ADGRL3: variants seen among roughly 807,000 people sequenced by gnomAD.
ADGRL3 encodes the protein calcium-independent alpha-latrotoxin receptor 3.
Under a neutral mutation model 153.5 loss-of-function variants are expected in ADGRL3, and 62 were observed. That is an observed-to-expected ratio of 0.40 (90% confidence interval 0.33 to 0.50). The LOEUF (loss-of-function observed/expected upper bound fraction) is 0.50. ADGRL3 is among the 20% of genes least tolerant of loss of function. The pLI is 0.47. For missense variants in ADGRL3, 1,641 were observed against 1,859.4 expected (o/e 0.88, Z 2.16); for synonymous variants, 710 against 672.5 (o/e 1.06, Z -0.86).
At chr4:61,259,043 A>G (rs1003265214) in intron 1 of ADGRL3, among the ~76,000 whole-genome samples, 1 of 152,172 alleles carries the variant, frequency 6.6e-6, no homozygotes, top group Admixed American at 6.5e-5. Flanking sequence ...TTCCTCATCA[A>G]TTGAACTTAC....
intron 9 of ADGRL3, among the ~76,000 whole-genome samples, chr4:61,822,083 GACATTACAGGGGGAGGGAACATAA>G (rs2097761118): frequency 6.6e-6 from 1 of 152,142 alleles, no homozygotes; most frequent in Non-Finnish European, 1.5e-5. Context: ...CTGATTAGCA[GACATTACAGGGGGAGGGAACATAA>G]ATTCCCTAGT....
At chr4:61,572,089 T>C (rs1178686915) in intron 4 of ADGRL3, among the ~76,000 whole-genome samples, 2 of 152,184 alleles carry the variant, frequency 1.3e-5, no homozygotes, top group African/African-American at 4.8e-5. Flanking sequence ...TTTAATAATA[T>C]TTGTTAAGAG....
In ADGRL3 at chr4:61,547,234, A is replaced by C. The variant is rs1009917828; in HGVS notation, c.259+29716A>C. Among the ~76,000 whole-genome samples, 10 of 151,728 alleles carry C rather than the reference A, an allele frequency of 6.6e-5. No individual in the cohort carries two copies. The East Asian group carries it at 1.9e-3, about 29-fold the overall frequency. On this transcript the variant is annotated intron_variant, in intron 4 of 26. Coordinates refer to ENST00000683033, the MANE Select transcript of ADGRL3 (RefSeq NM_001387552.1). ...GCACACCATTGCTCTCTGTGTATCT[A>C]TCAGCCACAATAATTTTCTGGGTTT...
intron 9 of ADGRL3, among the ~76,000 whole-genome samples, chr4:61,818,712 T>A (rs2097716350): frequency 6.6e-6 from 1 of 152,044 alleles, no homozygotes; most frequent in African/African-American, 2.4e-5. Context: ...CTCTCTACCT[T>A]AAAATGGTTG....
intron 4 of ADGRL3, among the ~76,000 whole-genome samples, chr4:61,581,637 A>G (rs1045450991): frequency 2.0e-5 from 3 of 151,922 alleles, no homozygotes; most frequent in Non-Finnish European, 4.4e-5. Flanking sequence ...ATCGTTATCT[A>G]CTTCTGTGAT....
chr4:61,241,624 C>G (rs992012675), intron 1 of ADGRL3, among the ~76,000 whole-genome samples: 2 of 151,974 alleles, frequency 1.3e-5, no homozygotes, highest in Non-Finnish European at 2.9e-5. Context: ...AGTGACCTGT[C>G]TTCTACGTAT....
chr4:61,984,966 A>G (rs1029588925), intron 19 of ADGRL3, among the ~76,000 whole-genome samples: 6 of 152,194 alleles, frequency 3.9e-5, no homozygotes, highest in Admixed American at 1.3e-4. Flanking sequence ...CTAGGGTGAG[A>G]AGAATCAAAT....
In ADGRL3 at chr4:61,712,219, C is replaced by A. The variant is rs531139390; in HGVS notation, c.584-18403C>A. On this transcript the variant is annotated intron_variant, in intron 6 of 26. Transcript: ENST00000683033. ...GACCAGTCTGGGCAACATATTGAGA[C>A]CCTGTCTCTACAATAAATAAAAAAT... Among the ~76,000 whole-genome samples the A allele has an allele frequency of 5.3e-5, 8 of 151,966 alleles. No homozygotes were observed. The East Asian group carries it at 1.2e-3, about 22-fold the overall frequency.
chr4:61,413,200 C>T (rs1218231806), intron 2 of ADGRL3, among the ~76,000 whole-genome samples: 1 of 152,156 alleles, frequency 6.6e-6, no homozygotes, highest in East Asian at 1.9e-4. Context: ...TTAGGCTCCT[C>T]ACTAGGCCTC....
intron 8 of ADGRL3, among the ~76,000 whole-genome samples, chr4:61,744,580 C>A (rs1306718045): frequency 6.6e-6 from 1 of 152,210 alleles, no homozygotes; most frequent in African/African-American, 2.4e-5. Flanking sequence ...TCTGCAGCCA[C>A]CGCTGCTGGT....
intron 8 of ADGRL3, among the ~76,000 whole-genome samples, chr4:61,761,603 G>A (rs1007245996): frequency 1.3e-5 from 2 of 152,090 alleles, no homozygotes; most frequent in African/African-American, 2.4e-5. Flanking sequence ...ATACCAGCCT[G>A]AGCAACAAAG....
At chr4:61,587,125 C>A in intron 4 of ADGRL3, 102 bp from the exon 5 acceptor site, 2 of 635,184 alleles carry the variant, frequency 3.1e-6, no homozygotes, top group Non-Finnish European at 5.4e-6. Flanking sequence ...TGCTTTATAT[C>A]TTCGTATTGA....
intron 21 of ADGRL3, among the ~76,000 whole-genome samples, chr4:62,028,033 C>T (rs1237768858): frequency 6.6e-6 from 1 of 151,702 alleles, no homozygotes; most frequent in Non-Finnish European, 1.5e-5. Flanking sequence ...TGTCTAGGAG[C>T]TTTATTTGTG....
At chr4:61,767,804 G>C (rs956008266) in intron 8 of ADGRL3, among the ~76,000 whole-genome samples, 7 of 152,120 alleles carry the variant, frequency 4.6e-5, no homozygotes, top group Admixed American at 1.3e-4. Context: ...CTACAGTTCA[G>C]GCGTTTGGAA....
chr4:61,204,795 G>T (rs2148735305), intron 1 of ADGRL3, among the ~76,000 whole-genome samples: 1 of 152,252 alleles, frequency 6.6e-6, no homozygotes, highest in South Asian at 2.1e-4. Context: ...TCCCCGGCCT[G>T]AAGAGTGATA....
At chr4:61,657,369 C>T (rs2094469727) in intron 5 of ADGRL3, among the ~76,000 whole-genome samples, 2 of 151,932 alleles carry the variant, frequency 1.3e-5, no homozygotes, top group African/African-American at 4.8e-5. Flanking sequence ...GACATAGATA[C>T]ATAGATATAC....
chr4:61,526,278 C>A (rs1321081231), intron 4 of ADGRL3, among the ~76,000 whole-genome samples: 1 of 152,074 alleles, frequency 6.6e-6, no homozygotes, highest in Non-Finnish European at 1.5e-5. Flanking sequence ...GACTCAATGA[C>A]CTTTCATAAA....
chr4:61,931,490 A>G (rs1434076201), intron 13 of ADGRL3, among the ~76,000 whole-genome samples: 1 of 152,208 alleles, frequency 6.6e-6, no homozygotes, highest in African/African-American at 2.4e-5. Flanking sequence ...GATGAAGTAT[A>G]GAGAAGTTAA....
chr4:61,328,950 C>T (rs2095518086), intron 1 of ADGRL3, among the ~76,000 whole-genome samples: 1 of 152,138 alleles, frequency 6.6e-6, no homozygotes. Flanking sequence ...TGAAATTCAT[C>T]ATGGGAGACT....
Sources: gnomAD v4.1 joint callset for allele counts (sites outside exome capture counted in the v4.1 genomes callset) on GRCh38, gnomAD v4.1.1 for gene constraint, MANE v1.5 for transcripts, NCBI Gene and HGNC (gene_info 2026-07-23, HGNC 2026-07-21) for gene names.